SLC39A9: variants seen among roughly 807,000 people sequenced by gnomAD.
SLC39A9 encodes the protein zinc transporter ZIP9.
In SLC39A9, 14 loss-of-function variants were observed where a neutral mutation model predicts 28.4. The ratio of observed to expected loss-of-function variants is 0.49; its 90% CI spans 0.33 to 0.77. The LOEUF (loss-of-function observed/expected upper bound fraction) is 0.77. Ranked by LOEUF, SLC39A9 falls within the 30% of genes least tolerant of loss-of-function variation. The pLI, the probability that SLC39A9 is intolerant of heterozygous loss-of-function variation, is 0.02. For synonymous variants in SLC39A9, 119 were observed against 149.6 expected (o/e 0.80, Z 1.49); for missense variants, 283 against 381.1 (o/e 0.74, Z 2.14).
intron 1 of SLC39A9, among the ~76,000 whole-genome samples, chr14:69,399,975 C>T (rs540987665): frequency 6.6e-6 from 1 of 152,226 alleles, no homozygotes; most frequent in African/African-American, 2.4e-5. Flanking sequence ...GCAGGAGGAT[C>T]GCTTGACCCC....
rs769928047 is a variant in SLC39A9, at chr14:69,399,353, G to A, written c.-17G>A. On this transcript the variant is annotated 5_prime_UTR_variant, in exon 1 of 7. Coordinates refer to ENST00000336643, the MANE Select transcript of SLC39A9 (RefSeq NM_018375.5). ...AATTTGTTGTCTAGTGGTTGTGGGT[G>A]AATAAAGGAGGGCAGAATGGATGAT... The A allele has an allele frequency of 1.2e-6, 2 of 1,611,084 alleles. No homozygotes were observed. The highest frequency in any genetic ancestry group is 2.7e-5 in the African/African-American group (2 of 74,880).
chr14:69,421,078 G>T (rs916121462), intron 1 of SLC39A9, among the ~76,000 whole-genome samples: 32 of 152,132 alleles, frequency 2.1e-4, no homozygotes, highest in Non-Finnish European at 3.5e-4. Context: ...GAGGTGCTCT[G>T]GTTTTTAGAA....
chr14:69,402,212 A>C (rs530501262), intron 1 of SLC39A9, among the ~76,000 whole-genome samples: 10 of 151,728 alleles, frequency 6.6e-5, no homozygotes, highest in African/African-American at 1.9e-4. Flanking sequence ...TAACACTAAG[A>C]TAGGTGATGA....
In SLC39A9 at chr14:69,425,833, T is replaced by G. The variant is rs535430310; in HGVS notation, c.205+1631T>G. Among the ~76,000 whole-genome samples the G allele has an allele frequency of 8.5e-5, 13 of 152,176 alleles. No homozygotes were observed. The South Asian group carries it at 2.7e-3, about 32-fold the overall frequency. ...GCACACTGCTATGCCTGACTAATGT[T>G]TAATTTTTTTTTGTAGAGATAGAGT... On this transcript the variant is annotated intron_variant, in intron 2 of 6. Transcript: ENST00000336643.
chr14:69,446,166 A>C (rs1000390450), intron 3 of SLC39A9, among the ~76,000 whole-genome samples: 2 of 152,002 alleles, frequency 1.3e-5, no homozygotes, highest in African/African-American at 4.8e-5. Flanking sequence ...AGGAACACAC[A>C]AGTATGGAGT....
At chr14:69,430,562 T>A (rs1249868396) in intron 2 of SLC39A9, among the ~76,000 whole-genome samples, 2 of 152,202 alleles carry the variant, frequency 1.3e-5, no homozygotes, top group Non-Finnish European at 2.9e-5. Flanking sequence ...TACGTTGTCT[T>A]GATGTAGCTT....
intron 2 of SLC39A9, among the ~76,000 whole-genome samples, chr14:69,435,628 T>C (rs960237940): frequency 2.0e-5 from 3 of 152,224 alleles, no homozygotes; most frequent in Non-Finnish European, 4.4e-5. Flanking sequence ...ACCTCGGCCA[T>C]TGTAGCCAGA....
In SLC39A9 at chr14:69,408,108, G is replaced by A. The variant is rs770356529; in HGVS notation, c.96+8643G>A. 4.8e-4 allele frequency among the ~76,000 whole-genome samples: 73 copies of A among 151,910 alleles called. 1 individual carries two copies. The highest frequency in any genetic ancestry group is 8.4e-4 in the Non-Finnish European group (57 of 67,992). On this transcript the variant is annotated intron_variant, in intron 1 of 6. Coordinates refer to ENST00000336643, the MANE Select transcript of SLC39A9 (RefSeq NM_018375.5). Reference sequence around the variant, plus strand: ...GGCTCACCACAACCTCTCTCTTTGGGTTCAAGTGATTCTCCTGCCTCAGCC... The same window carrying A: ...GGCTCACCACAACCTCTCTCTTTGGATTCAAGTGATTCTCCTGCCTCAGCC...
At position 69,459,389 on chromosome 14, in the gene SLC39A9, G is replaced by T; in HGVS notation, c.*796G>T. On this transcript the variant is annotated 3_prime_UTR_variant, in exon 7 of 7. Transcript: ENST00000336643. ...CTCCACATTCCTAGAGAGGAGCCAA[G>T]TTCTAGTAGTTTCAGTTCTAGGCTT... The T allele has an allele frequency of 2.0e-6, 2 of 985,386 alleles. No homozygotes were observed. The highest frequency in any genetic ancestry group is 2.4e-6 in the Non-Finnish European group (2 of 829,922). 61.0% of individuals were successfully genotyped at this position (985,386 alleles called of 1,614,324 possible). A position where few individuals can be genotyped will look rare whatever the true frequency, so the allele number is the denominator to read the frequency against.
chr14:69,444,992 A>ATAAAGATTCAG (rs1885225346), intron 3 of SLC39A9, among the ~76,000 whole-genome samples: 1 of 152,078 alleles, frequency 6.6e-6, no homozygotes, highest in African/African-American at 2.4e-5. Flanking sequence ...TAATAAAAGA[A>ATAAAGATTCAG]TAAAGATTCA....
chr14:69,438,184 G>C (rs1186328177), intron 2 of SLC39A9, among the ~76,000 whole-genome samples: 1 of 151,778 alleles, frequency 6.6e-6, no homozygotes, highest in Non-Finnish European at 1.5e-5. Flanking sequence ...ACTAGGCATA[G>C]CTAATTTTTG....
rs35337440 is a variant in SLC39A9, at chr14:69,411,211, C to CAA, written c.96+11766_96+11767dup. Reference sequence around the variant, plus strand: ...TGGGTCATAGAGTGAGATTCCATCTCAAAAAAAAAAAAAAAAAAAAACTTT... The same window carrying CAA: ...TGGGTCATAGAGTGAGATTCCATCTCAAAAAAAAAAAAAAAAAAAAAAACTTT... On this transcript the variant is annotated intron_variant, in intron 1 of 6. Transcript: ENST00000336643. 4.9e-3 allele frequency among the ~76,000 whole-genome samples: 365 copies of CAA among 74,328 alleles called. 2 individuals are homozygous for CAA. Among genetic ancestry groups the CAA allele is most frequent in the African/African-American group, 0.011 (201 of 18,792 alleles). 48.8% of individuals were successfully genotyped at this position (74,328 alleles called of 152,430 possible).
intron 2 of SLC39A9, among the ~76,000 whole-genome samples, chr14:69,436,128 G>T (rs550959480): frequency 2.0e-5 from 3 of 151,940 alleles, no homozygotes; most frequent in African/African-American, 4.8e-5. Context: ...TCGGCCAGGC[G>T]CAGTGGCTCA....
At chr14:69,436,343 A>G (rs1884750670) in intron 2 of SLC39A9, among the ~76,000 whole-genome samples, 1 of 152,098 alleles carries the variant, frequency 6.6e-6, no homozygotes, top group Non-Finnish European at 1.5e-5. Context: ...TATCTGAGTG[A>G]TCTGTGGGTT....
At chr14:69,428,167 A>G (rs190595397) in intron 2 of SLC39A9, among the ~76,000 whole-genome samples, 294 of 152,204 alleles carry the variant, frequency 1.9e-3, no homozygotes, top group Middle Eastern at 3.4e-3. Context: ...AATCCCAGCT[A>G]CTGGGAGACT....
intron 3 of SLC39A9, among the ~76,000 whole-genome samples, chr14:69,443,213 G>C (rs1566921663): frequency 6.6e-6 from 1 of 152,214 alleles, no homozygotes; most frequent in Non-Finnish European, 1.5e-5. Context: ...TTGATGTGTA[G>C]ACATATTTTT....
intron 2 of SLC39A9, among the ~76,000 whole-genome samples, chr14:69,427,593 T>C (rs961351581): frequency 6.6e-5 from 10 of 152,332 alleles, no homozygotes; most frequent in Admixed American, 4.6e-4. Context: ...CCATTTGTAA[T>C]GTTTTCTCCA....
rs375757678 is a variant in SLC39A9 at position 69,442,292 on chromosome 14, C to T, written c.403+26C>T. On this transcript the variant is annotated intron_variant, in intron 3 of 6. Coordinates refer to ENST00000336643, the MANE Select transcript of SLC39A9 (RefSeq NM_018375.5). The stretch of plus-strand genomic sequence containing the variant: ...GTGAGTGGCTCCAAGGCTTTCTGGG[C>T]AGTGCAATACATTTGCAGTTGAGAA... 4.9e-5 allele frequency: 78 copies of T among 1,596,022 alleles called. No individual in the cohort carries two copies. The African/African-American group carries it at 9.5e-4, about 19-fold the overall frequency.
At chr14:69,407,705 C>G (rs184846093) in intron 1 of SLC39A9, among the ~76,000 whole-genome samples, 16 of 151,226 alleles carry the variant, frequency 1.1e-4, no homozygotes, top group African/African-American at 3.9e-4. Context: ...ATGGCACGAT[C>G]TCGGCTCACT....
Sources: gnomAD v4.1 joint callset for allele counts (sites outside exome capture counted in the v4.1 genomes callset) on GRCh38, gnomAD v4.1.1 for gene constraint, MANE v1.5 for transcripts, NCBI Gene and HGNC (gene_info 2026-07-23, HGNC 2026-07-21) for gene names.